FTCD: variants seen among roughly 807,000 people sequenced by gnomAD.
FTCD encodes formimidoyltransferase cyclodeaminase, also known as formimidoyltransferase-cyclodeaminase.
FTCD carries 76 observed loss-of-function variants against 62.9 expected under a neutral mutation model. That is an observed-to-expected ratio of 1.21 (90% CI 1.00 to 1.46). FTCD has a LOEUF of 1.46. Among genes scored for constraint, FTCD ranks in the 40% most tolerant of loss-of-function variants. The pLI, the probability that FTCD is intolerant of heterozygous loss-of-function variation, is 0.00. For synonymous variants in FTCD, 397 were observed against 336.9 expected, an observed-to-expected ratio of 1.18 and a Z score of -1.95; for missense variants, 845 against 751.3, an observed-to-expected ratio of 1.12 and a Z score of -1.46.
At position 46,146,280 on chromosome 21, in the gene FTCD, C is replaced by T; in HGVS notation, c.954G>A (p.Lys318=). ...GLDSLCPFSP[K]ERIIEYLVPE... ...CAGAGGCTCACTCGATGATCCGCTC[C>T]TTAGGGCTGAAGGGGCACAGGGAGT... Residue 318 remains lysine (K), a synonymous_variant, in exon 8 of 14, where the codon AAG becomes AAA. Coordinates refer to ENST00000397746, the MANE Select transcript of FTCD (RefSeq NM_206965.2). 5 of 1,604,328 alleles carry T rather than the reference C, an allele frequency of 3.1e-6. No individual in the cohort carries two copies. The highest frequency in any genetic ancestry group is 1.1e-5 in the South Asian group (1 of 89,630).
intron 10 of FTCD, 109 bp from the exon 11 acceptor site, chr21:46,139,032 A>T: frequency 1.2e-6 from 1 of 841,662 alleles, no homozygotes; most frequent in Non-Finnish European, 2.0e-6. Context: ...GGCAGGGACC[A>T]GTTCTCTGGG....
rs374048282 is a variant in FTCD at position 46,146,267 on chromosome 21, C to G, written c.967G>C (p.Glu323Gln). 6 of 1,597,364 alleles carry G rather than the reference C, an allele frequency of 3.8e-6. No individual in the cohort carries two copies. The East Asian group carries it at 9.0e-5, about 24-fold the overall frequency. ...CPFSPKERII[E>Q]YLVPERGPER... ...GAGGGCGGGAGGGCAGAGGCTCACTCGATGATCCGCTCCTTAGGGCTGAAG... is the reference window on the plus strand; with the variant it reads ...GAGGGCGGGAGGGCAGAGGCTCACTGGATGATCCGCTCCTTAGGGCTGAAG... Residue 323 changes from glutamate to glutamine, a missense_variant and splice_region_variant, in exon 8 of 14, where the codon GAG (glutamate) becomes CAG (glutamine). Transcript: ENST00000397746.
At position 46,151,664 on chromosome 21, in the gene FTCD, C is replaced by T. The variant is rs760709342; in HGVS notation, c.530G>A (p.Gly177Glu). 2.7e-5 allele frequency: 43 copies of T among 1,612,958 alleles called. No homozygotes were observed. Among genetic ancestry groups the T allele is most frequent in the Middle Eastern group, 3.3e-4 (2 of 6,082 alleles). Reference protein sequence around the residue: ...FVPSWGATATGARKFLIAFNI... With the variant: ...FVPSWGATATEARKFLIAFNI... Reference sequence around the variant, plus strand: ...AAAAGCAATGAGGAACTTCCTCGCCCCCGTGGCCGTGGCCCCCCAACTGGG... The same window carrying T: ...AAAAGCAATGAGGAACTTCCTCGCCTCCGTGGCCGTGGCCCCCCAACTGGG... The change falls in exon 5 of 14, where the codon GGG becomes GAG. Residue 177 changes from glycine to glutamate, a missense_variant. Coordinates refer to ENST00000397746, the MANE Select transcript of FTCD (RefSeq NM_206965.2).
downstream of FTCD, chr21:46,136,598 C>T: frequency 6.5e-7 from 1 of 1,530,812 alleles, no homozygotes; most frequent in Non-Finnish European, 8.8e-7. Context: ...GTGACCCTGC[C>T]CACTGTGGGC....
Position 46,154,215 on chromosome 21 carries a change from C to A in FTCD, c.172G>T (p.Val58Leu). 1 of 1,612,882 alleles carries A rather than the reference C, an allele frequency of 6.2e-7. No homozygotes were observed. The highest frequency in any genetic ancestry group is 1.3e-5 in the African/African-American group (1 of 75,072). The change falls in exon 2 of 14, where the codon GTG (valine) becomes TTG (leucine). Residue 58 changes from valine (V) to leucine (L), a missense_variant. By Grantham distance (32) the Val-to-Leu change is conservative. Transcript: ENST00000397746. ...GCAGCGTTGAGGGCCCCCTCCACCA[C>A]GCACTCCGGCGGCCCCACGAAGGTG... ...VYTFVGPPEC[V>L]VEGALNAARV...
intron 10 of FTCD, chr21:46,142,142 G>A (rs2123501766): frequency 6.6e-6 from 1 of 152,394 alleles, no homozygotes; most frequent in East Asian, 1.9e-4. Context: ...ACGGTGATCA[G>A]CGTCTACACC....
At position 46,137,409 on chromosome 21, in the gene FTCD, G is replaced by T. The variant is rs1040631100; in HGVS notation, c.1444-75C>A. Reference sequence around the variant, plus strand: ...CCGGAAGGAGGGTCTCTGCCTGACGGGCTCTGGGACAGGCCGGACTTCGTC... The same window carrying T: ...CCGGAAGGAGGGTCTCTGCCTGACGTGCTCTGGGACAGGCCGGACTTCGTC... On this transcript the variant is annotated intron_variant, in intron 12 of 13. Coordinates refer to ENST00000397746, the MANE Select transcript of FTCD (RefSeq NM_206965.2). The T allele has an allele frequency of 2.6e-6, 3 of 1,157,416 alleles. No individual in the cohort carries two copies. In the African/African-American group the frequency reaches 4.6e-5, roughly 18 times the overall value. 71.7% of individuals were successfully genotyped at this position (1,157,416 alleles called of 1,614,324 possible).
At chr21:46,149,445 A>G (rs1387859458) in intron 7 of FTCD, among the ~76,000 whole-genome samples, 1 of 152,244 alleles carries the variant, frequency 6.6e-6, no homozygotes, top group African/African-American at 2.4e-5. Flanking sequence ...GAGCTAAATC[A>G]GTAAAAACAC....
Position 46,138,111 on chromosome 21 carries a change from G to A in FTCD, c.1443+397C>T, listed in dbSNP as rs188077366. On this transcript the variant is annotated intron_variant, in intron 12 of 13. Transcript: ENST00000397746. ...CCACTATGTTGCCCAGGCTGGTCTC[G>A]ACCTCCTCTATTCAAGTGATCCTCC... 3.0e-3 allele frequency among the ~76,000 whole-genome samples: 459 copies of A among 152,184 alleles called. 3 individuals carry two copies. Among genetic ancestry groups the A allele is most frequent in the African/African-American group, 0.011 (440 of 41,532 alleles).
chr21:46,138,559 G>C lies in FTCD; in HGVS notation c.1392C>G (p.Ala464=), dbSNP rs1047179. The C allele has an allele frequency of 0.47, 751,893 of 1,583,174 alleles. 181,024 individuals are homozygous for C. The highest frequency in any genetic ancestry group is 0.65 in the Admixed American group (37,269 of 56,962). The change falls in exon 12 of 14, where the codon GCC becomes GCG. Residue 464 remains alanine (A), a synonymous_variant. Transcript: ENST00000397746. The part of the protein sequence containing the change: ...LAETVASLWP[A]LQELARCGNL... Reference sequence around the variant, plus strand: ...TCCCACACCGGGCCAGTTCCTGCAGGGCCGGCCACAGCGAGGCCACCGTCT... The same window carrying C: ...TCCCACACCGGGCCAGTTCCTGCAGCGCCGGCCACAGCGAGGCCACCGTCT...
intron 12 of FTCD, 38 bp from the exon 13 acceptor site, chr21:46,137,372 C>T: frequency 1.4e-6 from 2 of 1,458,798 alleles, no homozygotes; most frequent in East Asian, 2.3e-5. Flanking sequence ...TGGATCAAGG[C>T]TGAGCAAACT....
chr21:46,150,183 G>T lies in FTCD; in HGVS notation c.842C>A (p.Ala281Glu). 3 of 1,609,050 alleles carry T rather than the reference G, an allele frequency of 1.9e-6. No homozygotes were observed. The highest frequency in any genetic ancestry group is 2.5e-6 in the Non-Finnish European group (3 of 1,178,220). ...GLVPLKALLD[A>E]AAFYCEKENL... The stretch of plus-strand genomic sequence containing the variant: ...CTCCTTCTCGCAGTAGAAGGCGGCC[G>T]CATCCAGCAGAGCCTTCAGGGGCAC... The change falls in exon 7 of 14, where the codon GCG becomes GAG. Residue 281 changes from alanine (A) to glutamate (E), a missense_variant. Transcript: ENST00000397746.
chr21:46,136,665 C>T, downstream of FTCD: 2 of 1,469,500 alleles, frequency 1.4e-6, no homozygotes, highest in African/African-American at 1.4e-5. Flanking sequence ...GCTGCAACCC[C>T]ATTCCCTCCA....
At chr21:46,150,738 A>G (rs7277617) in intron 5 of FTCD, among the ~76,000 whole-genome samples, 43,723 of 151,730 alleles carry the variant, frequency 0.29, 8,129 homozygotes, top group African/African-American at 0.53. Flanking sequence ...AGGGTCAGAC[A>G]CCGGAGGCCC....
At position 46,155,576 on chromosome 21, in the gene FTCD, C is replaced by T; in HGVS notation, c.-53G>A. On this transcript the variant is annotated 5_prime_UTR_variant, in exon 1 of 14. Transcript: ENST00000397746. ...CTCTGGGCAGATGGAAGGACAGGGC[C>T]AGTGCTCCGCAGCCGCCGCCAGGGC... is the stretch of plus-strand genomic sequence containing the variant. The T allele has an allele frequency of 6.7e-7, 1 of 1,487,998 alleles. No homozygotes were observed. The highest frequency in any genetic ancestry group is 9.4e-7 in the Non-Finnish European group (1 of 1,066,856). 92.2% of individuals were successfully genotyped at this position (1,487,998 alleles called of 1,614,324 possible).
intron 4 of FTCD, 30 bp downstream of exon 4, chr21:46,151,862 C>T (rs758979143): frequency 2.6e-5 from 41 of 1,556,182 alleles, no homozygotes; most frequent in Non-Finnish European, 3.3e-5. Context: ...CCACCTCCTT[C>T]CCAGGCCCGA....
At position 46,137,251 on chromosome 21, in the gene FTCD, T is replaced by C; in HGVS notation, c.1527A>G (p.Ala509=). The change falls in exon 13 of 14, where the codon GCA becomes GCG. Residue 509 remains alanine (A), a synonymous_variant. Coordinates refer to ENST00000397746, the MANE Select transcript of FTCD (RefSeq NM_206965.2). The stretch of plus-strand genomic sequence containing the variant: ...GCCTCCTGCTCACCTGGTCCTTAAA[T>C]GCCTCGTCTGTGATGTCCCTCAGGT... ...LINLRDITDE[A]FKDQIHHRVS... 1 of 1,612,636 alleles carries C rather than the reference T, an allele frequency of 6.2e-7. No homozygotes were observed. Among genetic ancestry groups the C allele is most frequent in the East Asian group, 2.2e-5 (1 of 44,862 alleles).
rs150856432 is a variant in FTCD, at chr21:46,146,373, C to T, written c.907-46G>A. The T allele has an allele frequency of 8.8e-3, 11,946 of 1,352,504 alleles. 92 individuals are homozygous for T. Among genetic ancestry groups the T allele is most frequent in the South Asian group, 0.024 (1,912 of 80,754 alleles). The allele number at this position is 1,352,504 out of a possible 1,614,324, so 83.8% of individuals were successfully genotyped here. A position where few individuals can be genotyped will look rare whatever the true frequency, so the allele number is the denominator to read the frequency against. ...GGAAACGGCCTCGGCGCGTCTCCACCACCAGGAAAGCCTCGGAACCCGCGG... is the reference window on the plus strand; with the variant it reads ...GGAAACGGCCTCGGCGCGTCTCCACTACCAGGAAAGCCTCGGAACCCGCGG... On this transcript the variant is annotated intron_variant, in intron 7 of 13. Transcript: ENST00000397746.
At chr21:46,136,683 C>T (rs1469105179), downstream of FTCD, 6 of 1,464,632 alleles carry the variant, frequency 4.1e-6, no homozygotes, top group African/African-American at 4.2e-5. Flanking sequence ...CCAACCCTGG[C>T]TCCCATGGGC....
Sources: allele counts gnomAD v4.1 joint callset (sites outside exome capture counted in the v4.1 genomes callset), GRCh38; gene constraint gnomAD v4.1.1; transcripts MANE v1.5; gene names NCBI Gene and HGNC (gene_info 2026-07-23, HGNC 2026-07-21).